Variants in VGLL4 observed in about 807,000 individuals in gnomAD.
VGLL4 encodes vestigial like family member 4, also known as transcription cofactor vestigial-like protein 4.
A neutral mutation model predicts 21.0 loss-of-function variants in VGLL4; 7 were observed. That is an observed-to-expected ratio of 0.33 (90% CI 0.19 to 0.63). The LOEUF is 0.63. VGLL4 is among the 20% of genes least tolerant of loss of function. The probability of loss-of-function intolerance (pLI) is 0.78; values close to 1 mark genes in which losing one functional copy is unlikely to be tolerated. For synonymous variants in VGLL4, 222 were observed against 173.2 expected (o/e 1.28, Z -2.21); for missense variants, 394 against 425.7 (o/e 0.93, Z 0.66).
rs571386458 is a variant in VGLL4 at position 11,681,866 on chromosome 3, C to T, written c.64+21105G>A. ...CTGCTGCACAGGTCCTGAAACAGGGCGACGGCCATAACAGTGCGAGGGAAA... is the reference window on the plus strand; with the variant it reads ...CTGCTGCACAGGTCCTGAAACAGGGTGACGGCCATAACAGTGCGAGGGAAA... On this transcript the variant is annotated intron_variant, in intron 2 of 5. Coordinates refer to the VGLL4 transcript ENST00000273038. 3.9e-5 allele frequency among the ~76,000 whole-genome samples: 6 copies of T among 152,206 alleles called. No homozygotes were observed. The South Asian group carries it at 1.0e-3, about 26-fold the overall frequency.
chr3:11,622,088 A>C (rs2075275078), intron 1 of VGLL4, among the ~76,000 whole-genome samples: 1 of 152,206 alleles, frequency 6.6e-6, no homozygotes, highest in African/African-American at 2.4e-5. Context: ...CCATTCTATG[A>C]GTTGTCTTTT....
chr3:11,646,839 T>C (rs1575491856), upstream of VGLL4, among the ~76,000 whole-genome samples: 2 of 152,268 alleles, frequency 1.3e-5, no homozygotes, highest in Non-Finnish European at 2.9e-5. Context: ...TCCGGGAGGC[T>C]AGCACGGTGC....
intron 1 of VGLL4, among the ~76,000 whole-genome samples, chr3:11,624,610 T>C (rs976998913): frequency 6.6e-6 from 1 of 152,074 alleles, no homozygotes; most frequent in Non-Finnish European, 1.5e-5. Flanking sequence ...ATATGGAAAA[T>C]AGCTATACTA....
chr3:11,715,976 C>A (rs1048154621), intron 1 of VGLL4, among the ~76,000 whole-genome samples: 6 of 151,978 alleles, frequency 3.9e-5, no homozygotes, highest in African/African-American at 1.4e-4. Flanking sequence ...ACCATACTTA[C>A]GGGCCACTGT....
At chr3:11,570,194 C>G (rs1027328828) in intron 2 of VGLL4, among the ~76,000 whole-genome samples, 1 of 152,054 alleles carries the variant, frequency 6.6e-6, no homozygotes, top group Admixed American at 6.6e-5. Context: ...CCACAGACAC[C>G]GGCCCTGTGG....
In VGLL4 at chr3:11,559,343, C is replaced by T. The variant is rs1467909803; in HGVS notation, c.608G>A (p.Arg203Lys). Reference sequence around the variant, plus strand: ...CCCGGGACACTCACCGCTCGGTGGCCTCCGGTAGCTGGCAGGCCCGGGCGC... The same window carrying T: ...CCCGGGACACTCACCGCTCGGTGGCTTCCGGTAGCTGGCAGGCCCGGGCGC... ...CAAPGPASYRRPPSAATTCDP... is the reference protein window; with the variant it reads ...CAAPGPASYRKPPSAATTCDP... Residue 203 changes from arginine to lysine, a missense_variant, in exon 4 of 5, where the codon AGG (arginine) becomes AAG (lysine). By Grantham distance (26) the Arg-to-Lys change is conservative. Coordinates refer to ENST00000430365, the MANE Select transcript of VGLL4 (RefSeq NM_001128219.3). 1.3e-6 allele frequency: 2 copies of T among 1,546,010 alleles called. No individual in the cohort carries two copies. The highest frequency in any genetic ancestry group is 2.7e-5 in the African/African-American group (2 of 73,086).
At chr3:11,573,759 T>C (rs544081636) in intron 2 of VGLL4, among the ~76,000 whole-genome samples, 1 of 152,338 alleles carries the variant, frequency 6.6e-6, no homozygotes, top group South Asian at 2.1e-4. Context: ...CTGCCTTTAA[T>C]TTCTGTAATG....
chr3:11,656,435 T>C (rs115280398), intron 2 of VGLL4, among the ~76,000 whole-genome samples: 1 of 152,160 alleles, frequency 6.6e-6, no homozygotes, highest in Non-Finnish European at 1.5e-5. Flanking sequence ...GGTGCTGGTG[T>C]TGGCAGGGCC....
chr3:11,558,883 C>A, intron 4 of VGLL4, 56 bp from the exon 5 acceptor site: 1 of 1,584,132 alleles, frequency 6.3e-7, no homozygotes, highest in Non-Finnish European at 8.6e-7. Context: ...GACAGACAGG[C>A]ACGGTTGCAG....
chr3:11,640,372 G>C (rs1204137533), intron 1 of VGLL4, among the ~76,000 whole-genome samples: 1 of 152,148 alleles, frequency 6.6e-6, no homozygotes, highest in Non-Finnish European at 1.5e-5. Flanking sequence ...TATGACCTTT[G>C]CATGGAGACA....
intron 1 of VGLL4, among the ~76,000 whole-genome samples, chr3:11,713,551 G>A (rs894238860): frequency 2.6e-5 from 3 of 113,718 alleles, no homozygotes; most frequent in African/African-American, 7.4e-5. Context: ...CCTGAGAACT[G>A]TGTGTATATA....
intron 2 of VGLL4, among the ~76,000 whole-genome samples, chr3:11,700,717 G>A (rs189261758): frequency 1.0e-3 from 155 of 152,310 alleles, no homozygotes; most frequent in Non-Finnish European, 1.6e-3. Context: ...CCCGACACAG[G>A]ATGGCTGACA....
At chr3:11,714,553 T>TA (rs1375541209) in intron 1 of VGLL4, among the ~76,000 whole-genome samples, 15 of 144,358 alleles carry the variant, frequency 1.0e-4, no homozygotes, top group Non-Finnish European at 1.8e-4. Flanking sequence ...TAAAATAAAA[T>TA]AAATAAATAA....
At chr3:11,607,097 C>G (rs1244183163) in intron 1 of VGLL4, 1 of 32,814 alleles carries the variant, frequency 3.0e-5, no homozygotes, top group African/African-American at 1.5e-4. Flanking sequence ...GGTACATAAC[C>G]AAGAGAAATG....
intron 1 of VGLL4, among the ~76,000 whole-genome samples, chr3:11,629,505 C>T (rs2075431025): frequency 6.6e-6 from 1 of 152,024 alleles, no homozygotes; most frequent in Non-Finnish European, 1.5e-5. Flanking sequence ...ACCTGTAATC[C>T]CAGCACTTTG....
intron 2 of VGLL4, among the ~76,000 whole-genome samples, chr3:11,597,536 T>C (rs2074675720): frequency 6.6e-6 from 1 of 152,126 alleles, no homozygotes; most frequent in African/African-American, 2.4e-5. Context: ...GAAAAGACCT[T>C]CAGTCCTCTC....
intron 2 of VGLL4, chr3:11,582,144 C>T (rs1372978063): frequency 2.7e-5 from 26 of 961,366 alleles, no homozygotes; most frequent in Non-Finnish European, 3.3e-5. Context: ...CACTGCTGTC[C>T]CTTCTAAGCA....
intron 1 of VGLL4, among the ~76,000 whole-genome samples, chr3:11,608,301 A>G (rs2074990842): frequency 6.6e-6 from 1 of 152,212 alleles, no homozygotes; most frequent in African/African-American, 2.4e-5. Context: ...TTACATGAAG[A>G]TAATTTTATC....
chr3:11,668,079 T>C (rs931044212), intron 2 of VGLL4, among the ~76,000 whole-genome samples: 10 of 151,940 alleles, frequency 6.6e-5, no homozygotes, highest in African/African-American at 2.4e-4. Context: ...GGTCTTGAAC[T>C]CCTAGCCTCA....
Sources: allele counts gnomAD v4.1 joint callset (sites outside exome capture counted in the v4.1 genomes callset), GRCh38; gene constraint gnomAD v4.1.1; transcripts MANE v1.5; gene names NCBI Gene and HGNC (gene_info 2026-07-23, HGNC 2026-07-21).